SNX24: variants seen among roughly 807,000 people sequenced by gnomAD.
SNX24 encodes sorting nexin 24, also known as sorting nexin-24.
In SNX24, 22 loss-of-function variants were observed where a neutral mutation model predicts 28.7. That is an observed-to-expected ratio of 0.77 (90% confidence interval 0.55 to 1.10). The LOEUF (loss-of-function observed/expected upper bound fraction) is 1.10, where lower values mean the gene tolerates loss of function less well. Among genes scored for constraint, SNX24 ranks in the 50% least tolerant of loss-of-function variants. The probability of loss-of-function intolerance (pLI) is 0.00; values close to 1 mark genes in which losing one functional copy is unlikely to be tolerated. For synonymous variants in SNX24, 69 were observed against 71.5 expected (o/e 0.96, Z 0.18); for missense variants, 221 against 201.1 (o/e 1.10, Z -0.60).
rs57930558 is a variant in SNX24 at position 122,932,858 on chromosome 5, C to CAAAA, written c.61-3853_61-3850dup. Among the ~76,000 whole-genome samples, 274 of 87,970 alleles carry CAAAA rather than the reference C, an allele frequency of 3.1e-3. 4 individuals carry two copies. The highest frequency in any genetic ancestry group is 0.012 in the African/African-American group (241 of 20,936). The allele number at this position is 87,970 out of a possible 152,430, so 57.7% of individuals were successfully genotyped here. ...GGGGCGACAGAGCAAGACTCTGTCT[C>CAAAA]AAAAAAAAAAAAAAAAAAAAAAAAA... is the stretch of plus-strand genomic sequence containing the variant. On this transcript the variant is annotated intron_variant, in intron 1 of 6. Transcript: ENST00000261369.
rs141133333 is a variant in SNX24, at chr5:122,914,879, A to G, written c.61-21855A>G. ...GACAGGCTTTGATGAGTGAGTTGAG[A>G]GAGGGAATTTAGGTATGGATGTGGC... On this transcript the variant is annotated intron_variant, in intron 1 of 6. Coordinates refer to ENST00000261369, the MANE Select transcript of SNX24 (RefSeq NM_014035.4). Among the ~76,000 whole-genome samples, 334 of 152,136 alleles carry G rather than the reference A, an allele frequency of 2.2e-3. 1 individual carries two copies. Among genetic ancestry groups the G allele is most frequent in the African/African-American group, 7.9e-3 (326 of 41,484 alleles).
At chr5:122,957,957 A>G (rs1412888092) in intron 3 of SNX24, among the ~76,000 whole-genome samples, 2 of 152,180 alleles carry the variant, frequency 1.3e-5, no homozygotes, top group East Asian at 1.9e-4. Flanking sequence ...ATGTGAGATC[A>G]TATCACATGC....
At chr5:122,921,849 T>C (rs1758445334) in intron 1 of SNX24, among the ~76,000 whole-genome samples, 1 of 152,122 alleles carries the variant, frequency 6.6e-6, no homozygotes, top group African/African-American at 2.4e-5. Flanking sequence ...AGTCAACACC[T>C]TTTCTCGAAT....
chr5:123,004,877 T>A (rs1762370724), intron 6 of SNX24, among the ~76,000 whole-genome samples: 1 of 139,588 alleles, frequency 7.2e-6, no homozygotes, highest in Non-Finnish European at 1.7e-5. Context: ...CTCTACCCAT[T>A]CACAATACAT....
intron 1 of SNX24, among the ~76,000 whole-genome samples, chr5:122,931,015 A>G (rs1463887407): frequency 6.6e-6 from 1 of 152,226 alleles, no homozygotes; most frequent in Non-Finnish European, 1.5e-5. Flanking sequence ...AAAAACCTCT[A>G]TCTGCAACAT....
chr5:122,939,800 G>T (rs1759360816), intron 2 of SNX24, among the ~76,000 whole-genome samples: 1 of 152,128 alleles, frequency 6.6e-6, no homozygotes, highest in Admixed American at 6.5e-5. Context: ...GTTGAAGTTT[G>T]AGAATTTCTA....
intron 1 of SNX24, among the ~76,000 whole-genome samples, chr5:122,931,159 T>C (rs1278860161): frequency 3.9e-5 from 6 of 152,208 alleles, no homozygotes; most frequent in African/African-American, 1.4e-4. Flanking sequence ...AAAACGCTTC[T>C]TCCCCCCTAC....
intron 5 of SNX24, among the ~76,000 whole-genome samples, chr5:123,026,423 A>T (rs1762854387): frequency 6.6e-6 from 1 of 152,200 alleles, no homozygotes; most frequent in Non-Finnish European, 1.5e-5. Context: ...CCCAACCAGG[A>T]TGCACCAAGC....
chr5:122,930,782 A>G (rs751742900), intron 1 of SNX24, among the ~76,000 whole-genome samples: 9 of 152,114 alleles, frequency 5.9e-5, no homozygotes, highest in Non-Finnish European at 1.2e-4. Context: ...CGAAAGCAGA[A>G]TCATATCAAT....
At chr5:122,963,076 A>G (rs1760553980) in intron 3 of SNX24, among the ~76,000 whole-genome samples, 1 of 152,152 alleles carries the variant, frequency 6.6e-6, no homozygotes, top group Admixed American at 6.5e-5. Context: ...TCTGCTAAAA[A>G]TACATTAATT....
intron 2 of SNX24, among the ~76,000 whole-genome samples, chr5:122,942,507 G>C (rs1759500242): frequency 6.6e-6 from 1 of 152,054 alleles, no homozygotes; most frequent in African/African-American, 2.4e-5. Context: ...TCATGTACTT[G>C]GGAAAAGTAT....
In SNX24 at chr5:122,965,889, C is replaced by G. The variant is rs1319793340; in HGVS notation, c.249+19730C>G. ...TATCTTTCCCAATCTGATAAATAAG[C>G]TATCAAAGAGTGGAGCCAGATTAAT... is the stretch of plus-strand genomic sequence containing the variant. On this transcript the variant is annotated intron_variant, in intron 3 of 6. Coordinates refer to ENST00000261369, the MANE Select transcript of SNX24 (RefSeq NM_014035.4). 3.3e-5 allele frequency among the ~76,000 whole-genome samples: 5 copies of G among 152,152 alleles called. No individual in the cohort carries two copies. The South Asian group carries it at 1.0e-3, about 31-fold the overall frequency.
chr5:122,970,950 A>G (rs1057458951), intron 3 of SNX24, among the ~76,000 whole-genome samples: 1 of 152,184 alleles, frequency 6.6e-6, no homozygotes, highest in Non-Finnish European at 1.5e-5. Flanking sequence ...GGACAGAACT[A>G]ATAGGATAGA....
chr5:122,908,488 G>A (rs1757743580), intron 1 of SNX24, among the ~76,000 whole-genome samples: 1 of 152,138 alleles, frequency 6.6e-6, no homozygotes, highest in Non-Finnish European at 1.5e-5. Flanking sequence ...AAAATACAGT[G>A]CAGATGTTTT....
chr5:123,003,775 C>A (rs546258989), intron 6 of SNX24, among the ~76,000 whole-genome samples: 14 of 152,116 alleles, frequency 9.2e-5, no homozygotes, highest in Non-Finnish European at 1.9e-4. Flanking sequence ...AAGAGTAAAA[C>A]GTATGTATCA....
At chr5:122,954,427 T>C (rs1232530587) in intron 3 of SNX24, among the ~76,000 whole-genome samples, 1 of 152,088 alleles carries the variant, frequency 6.6e-6, no homozygotes, top group Non-Finnish European at 1.5e-5. Flanking sequence ...ATTATTGATA[T>C]AATTGGGGTT....
At chr5:122,920,918 A>G (rs1235361352) in intron 1 of SNX24, among the ~76,000 whole-genome samples, 3 of 152,176 alleles carry the variant, frequency 2.0e-5, no homozygotes, top group Non-Finnish European at 4.4e-5. Context: ...TAGAGACAGT[A>G]TCTCACTATG....
At chr5:122,992,163 A>G (rs1467814822) in intron 3 of SNX24, among the ~76,000 whole-genome samples, 1 of 152,214 alleles carries the variant, frequency 6.6e-6, no homozygotes, top group African/African-American at 2.4e-5. Context: ...AATGAAACAT[A>G]TAGTCATTAA....
intron 1 of SNX24, among the ~76,000 whole-genome samples, chr5:122,857,020 T>C (rs1486576745): frequency 1.3e-5 from 2 of 150,722 alleles, no homozygotes; most frequent in Non-Finnish European, 3.0e-5. Context: ...TTTTCTTTCT[T>C]TTTTTTTTGA....
Sources: gnomAD v4.1 joint callset for allele counts (sites outside exome capture counted in the v4.1 genomes callset) on GRCh38, gnomAD v4.1.1 for gene constraint, MANE v1.5 for transcripts, NCBI Gene and HGNC (gene_info 2026-07-23, HGNC 2026-07-21) for gene names.